OTOA: variants seen among roughly 807,000 people sequenced by gnomAD.
OTOA encodes otoancorin, also known as cancer/testis antigen 108.
In OTOA, 70 loss-of-function variants were observed where a neutral mutation model predicts 110.8. The observed-to-expected ratio is 0.63, with a 90% CI of 0.52 to 0.77. OTOA has a LOEUF of 0.77. Among genes scored for constraint, OTOA ranks in the 30% least tolerant of loss-of-function variants. The probability of loss-of-function intolerance (pLI) is 0.00; values close to 1 mark genes in which losing one functional copy is unlikely to be tolerated. For missense variants in OTOA, 917 were observed against 1,075.8 expected (o/e 0.85, Z 2.06); for synonymous variants, 373 against 431.5 (o/e 0.86, Z 1.68).
chr16:21,667,364 T>G (rs932962719), intron 1 of OTOA, among the ~76,000 whole-genome samples: 1 of 152,168 alleles, frequency 6.6e-6, no homozygotes, highest in African/African-American at 2.4e-5. Context: ...TAAAGAATGC[T>G]GGGATGGCGG....
chr16:21,694,696 A>G (rs1661839107), intron 9 of OTOA, among the ~76,000 whole-genome samples: 1 of 152,160 alleles, frequency 6.6e-6, no homozygotes, highest in African/African-American at 2.4e-5. Flanking sequence ...TGAGATGGGA[A>G]TGAGCTCGGT....
chr16:21,665,407 G>T (rs971307180), intron 1 of OTOA, among the ~76,000 whole-genome samples: 8 of 152,204 alleles, frequency 5.3e-5, no homozygotes, highest in African/African-American at 1.9e-4. Flanking sequence ...GACAATGTAT[G>T]TTAGAGAGGC....
Position 21,710,031 on chromosome 16 carries a change from C to T in OTOA, c.1248C>T (p.Thr416=). 1 of 1,614,048 alleles carries T rather than the reference C, an allele frequency of 6.2e-7. No individual in the cohort carries two copies. The highest frequency in any genetic ancestry group is 8.5e-7 in the Non-Finnish European group (1 of 1,179,986). The change falls in exon 13 of 29, where the codon ACC becomes ACT. Residue 416 remains threonine (T), a synonymous_variant. Coordinates refer to ENST00000646100, the MANE Select transcript of OTOA (RefSeq NM_144672.4). ...AGGCTGTGCACGGAGCCATCTCCACCCTCAACCAGGTCTCAGGTTGGGCCA... is the reference window on the plus strand; with the variant it reads ...AGGCTGTGCACGGAGCCATCTCCACTCTCAACCAGGTCTCAGGTTGGGCCA... ...SPEAVHGAIS[T]LNQVSGWAKS... is the part of the protein sequence containing the mutation.
chr16:21,691,629 C>A lies in OTOA; in HGVS notation c.681C>A (p.Ser227=). The change falls in exon 9 of 29, where the codon TCC becomes TCA. Residue 227 remains serine (S), a synonymous_variant. Transcript: ENST00000646100. ...KDLYDKTSAH[S]QRALYSWMTG... ...TCTACGACAAAACCTCGGCTCATTC[C>A]CAGAGAGCTCTCTATTCCTGGATGA... 1 of 1,613,942 alleles carries A rather than the reference C, an allele frequency of 6.2e-7. No homozygotes were observed. Among genetic ancestry groups the A allele is most frequent in the Admixed American group, 1.7e-5 (1 of 59,984 alleles).
chr16:21,728,537 G>A (rs1899004550), intron 20 of OTOA, 106 bp downstream of exon 20: 1 of 1,320,958 alleles, frequency 7.6e-7, no homozygotes, highest in East Asian at 2.5e-5. Flanking sequence ...CTTAGGATGA[G>A]ATAAAATTCT....
rs553767950 is a variant in OTOA, at chr16:21,667,373, G to T, written c.-5+3141G>T. The stretch of plus-strand genomic sequence containing the variant: ...CTGTATTAAAGAATGCTGGGATGGC[G>T]GCTGGGCGCGGTGGCTCACGCCTGT... On this transcript the variant is annotated intron_variant, in intron 1 of 28. Coordinates refer to ENST00000646100, the MANE Select transcript of OTOA (RefSeq NM_144672.4). 2.0e-4 allele frequency among the ~76,000 whole-genome samples: 31 copies of T among 152,278 alleles called. No homozygotes were observed. The South Asian group carries it at 5.2e-3, about 25-fold the overall frequency.
chr16:21,719,611 G>A (rs553420842), intron 17 of OTOA, 107 bp downstream of exon 17: 54 of 1,100,116 alleles, frequency 4.9e-5, no homozygotes, highest in Non-Finnish European at 6.7e-5. Context: ...TCATTCAGAC[G>A]CAAGTGATGA....
rs1306434123 is a variant in OTOA at position 21,664,490 on chromosome 16, C to T, written c.-5+258C>T. Among the ~76,000 whole-genome samples the T allele has an allele frequency of 3.9e-5, 6 of 152,086 alleles. No individual in the cohort carries two copies. In the East Asian group the frequency reaches 9.7e-4, roughly 24 times the overall value. ...AAACTACTTAGTAATATAATAACAG[C>T]GATGACAACTGTTGCAATAACTATC... On this transcript the variant is annotated intron_variant, in intron 1 of 28. Transcript: ENST00000646100.
At chr16:21,714,065 A>G (rs1898439563) in intron 13 of OTOA, among the ~76,000 whole-genome samples, 2 of 152,154 alleles carry the variant, frequency 1.3e-5, no homozygotes. Flanking sequence ...GAGATCACCC[A>G]TTATACACAG....
chr16:21,680,960 T>G (rs935321606), intron 5 of OTOA, among the ~76,000 whole-genome samples: 2 of 152,152 alleles, frequency 1.3e-5, no homozygotes, highest in African/African-American at 2.4e-5. Context: ...CTCACAGTTG[T>G]TAACCATATT....
chr16:21,696,125 C>T (rs930023535), intron 9 of OTOA, among the ~76,000 whole-genome samples: 4 of 151,626 alleles, frequency 2.6e-5, no homozygotes, highest in African/African-American at 7.3e-5. Flanking sequence ...GATCTCCTGA[C>T]CTTGTGATCC....
chr16:21,712,581 C>T (rs1324596377), intron 13 of OTOA, among the ~76,000 whole-genome samples: 2 of 151,934 alleles, frequency 1.3e-5, no homozygotes, highest in Non-Finnish European at 2.9e-5. Flanking sequence ...TGGCTCACGC[C>T]TGTAATCCCA....
chr16:21,691,624 C>G lies in OTOA; in HGVS notation c.676C>G (p.His226Asp). 1 of 1,614,004 alleles carries G rather than the reference C, an allele frequency of 6.2e-7. No individual in the cohort carries two copies. The highest frequency in any genetic ancestry group is 8.5e-7 in the Non-Finnish European group (1 of 1,179,936). ...FKDLYDKTSAHSQRALYSWMT... is the reference protein window; with the variant it reads ...FKDLYDKTSADSQRALYSWMT... ...AGATCTCTACGACAAAACCTCGGCT[C>G]ATTCCCAGAGAGCTCTCTATTCCTG... Residue 226 changes from histidine to aspartate, a missense_variant, in exon 9 of 29, where the codon CAT (histidine) becomes GAT (aspartate). Physicochemically the swap from His to Asp is moderately conservative, Grantham distance 81. Around this residue, in one of 6 missense-constraint regions of OTOA, gnomAD observed 840 missense variants for 910.2 expected, o/e 0.92. Transcript: ENST00000646100.
intron 12 of OTOA, chr16:21,705,578 G>A (rs1898147817): frequency 4.5e-6 from 2 of 440,012 alleles, no homozygotes; most frequent in African/African-American, 4.0e-5. Context: ...GGGAGGCCAA[G>A]ATGGGAGGAT....
At chr16:21,710,367 C>T (rs1298356646) in intron 13 of OTOA, among the ~76,000 whole-genome samples, 3 of 152,054 alleles carry the variant, frequency 2.0e-5, no homozygotes, top group South Asian at 2.1e-4. Context: ...TCTGGTGTTG[C>T]GTCTTACAAG....
In OTOA at chr16:21,722,905, G is replaced by T. The variant is rs775686301; in HGVS notation, c.1807G>T (p.Val603Phe). The T allele has an allele frequency of 8.1e-6, 13 of 1,613,658 alleles. No individual in the cohort carries two copies. The highest frequency in any genetic ancestry group is 3.3e-4 in the Middle Eastern group (2 of 6,084). ...NNFALLSPYQ[V>F]NCLAWKYWEV... ...TCCCCAGAACTGCTTAATCTTTCAG[G>T]TTAATTGTTTGGCGTGGAAATACTG... is the stretch of plus-strand genomic sequence containing the variant. The change falls in exon 18 of 29, where the codon GTT becomes TTT. Residue 603 changes from valine to phenylalanine, a missense_variant and splice_region_variant. Physicochemically the swap from Val to Phe is conservative, Grantham distance 50. Coordinates refer to ENST00000646100, the MANE Select transcript of OTOA (RefSeq NM_144672.4).
intron 9 of OTOA, among the ~76,000 whole-genome samples, chr16:21,696,638 C>T (rs764782396): frequency 4.0e-5 from 6 of 151,840 alleles, no homozygotes; most frequent in Admixed American, 1.3e-4. Context: ...GATGTGATCC[C>T]GGCTCACTGC....
At chr16:21,702,832 C>T (rs548359675) in intron 11 of OTOA, among the ~76,000 whole-genome samples, 11 of 152,270 alleles carry the variant, frequency 7.2e-5, no homozygotes, top group African/African-American at 2.2e-4. Context: ...CACGCCACCA[C>T]GCCCAGCTAA....
chr16:21,727,943 C>A (rs561641877), intron 19 of OTOA, among the ~76,000 whole-genome samples: 2 of 151,298 alleles, frequency 1.3e-5, no homozygotes, highest in South Asian at 2.1e-4. Context: ...AGGCTCACTG[C>A]GACCTCTGCC....
Sources: allele counts gnomAD v4.1 joint callset (sites outside exome capture counted in the v4.1 genomes callset), GRCh38; gene constraint gnomAD v4.1.1; regional missense constraint gnomAD v4.1.1; transcripts MANE v1.5; gene names NCBI Gene and HGNC (gene_info 2026-07-23, HGNC 2026-07-21).